FERMT2: variants seen among roughly 807,000 people sequenced by gnomAD.
FERMT2 encodes the protein FERM domain containing kindlin 2, also known as fermitin family homolog 2.
In FERMT2, 15 loss-of-function variants were observed where a neutral mutation model predicts 82.7. That is an observed-to-expected ratio of 0.18 (90% CI 0.12 to 0.28). The LOEUF (loss-of-function observed/expected upper bound fraction) is 0.28, where lower values mean the gene tolerates loss of function less well. FERMT2 is among the 10% of genes least tolerant of loss of function. The probability of loss-of-function intolerance (pLI) is 1.00; values close to 1 mark genes in which losing one functional copy is unlikely to be tolerated. For missense variants in FERMT2, 645 were observed against 809.4 expected (o/e 0.80, Z 2.46); for synonymous variants, 274 against 271.5 (o/e 1.01, Z -0.09).
At chr14:52,936,930 G>A (rs913486872) in intron 2 of FERMT2, among the ~76,000 whole-genome samples, 5 of 151,968 alleles carry the variant, frequency 3.3e-5, no homozygotes, top group East Asian at 1.9e-4. Flanking sequence ...TGAGGTGGGC[G>A]GATCACCTGA....
At chr14:52,938,772 G>A (rs1298831594) in intron 2 of FERMT2, among the ~76,000 whole-genome samples, 2 of 152,034 alleles carry the variant, frequency 1.3e-5, no homozygotes, top group Non-Finnish European at 2.9e-5. Context: ...TCGCCATGTT[G>A]GCTGGGCTGG....
Position 52,860,387 on chromosome 14 carries a change from C to A in FERMT2, c.1681G>T (p.Ala561Ser). 6.2e-7 allele frequency: 1 copy of A among 1,613,718 alleles called. No individual in the cohort carries two copies. ...CCAAATTCAGGTAGTGACTGCCAAG[C>A]TTGAATAAATCTCATCTTGGCTTCA... The part of the protein sequence containing the change: ...LIEAKMRFIQ[A>S]WQSLPEFGIT... The change falls in exon 13 of 15, where the codon GCT (alanine) becomes TCT (serine). Residue 561 changes from alanine (A) to serine (S), a missense_variant. Coordinates refer to ENST00000341590, the MANE Select transcript of FERMT2 (RefSeq NM_006832.3).
chr14:52,857,421 A>AT lies in FERMT2; in HGVS notation c.*955dup, dbSNP rs980676983. The stretch of plus-strand genomic sequence containing the variant: ...AATTTTCTGACTAGCACCAATACAG[A>AT]TTGTAACAGCGCAACAGACTAGAAC... On this transcript the variant is annotated 3_prime_UTR_variant, in exon 15 of 15. Coordinates refer to ENST00000341590, the MANE Select transcript of FERMT2 (RefSeq NM_006832.3). The AT allele has an allele frequency of 1.3e-5, 2 of 152,610 alleles. No individual in the cohort carries two copies. Among genetic ancestry groups the AT allele is most frequent in the African/African-American group, 2.4e-5 (1 of 41,422 alleles). The allele number at this position is 152,610 out of a possible 1,614,324, so 9.5% of individuals were successfully genotyped here.
chr14:52,869,465 G>A (rs961434769), intron 10 of FERMT2, among the ~76,000 whole-genome samples: 4 of 152,012 alleles, frequency 2.6e-5, no homozygotes, highest in Non-Finnish European at 4.4e-5. Flanking sequence ...ACAGCATTTC[G>A]GTAAACAACG....
At chr14:52,902,542 C>A (rs1887714066) in intron 3 of FERMT2, among the ~76,000 whole-genome samples, 1 of 151,570 alleles carries the variant, frequency 6.6e-6, no homozygotes, top group Non-Finnish European at 1.5e-5. Context: ...TTTAAGAATA[C>A]CTATATAACA....
chr14:52,897,123 C>G (rs1236060238), intron 3 of FERMT2, among the ~76,000 whole-genome samples: 2 of 151,866 alleles, frequency 1.3e-5, no homozygotes, highest in African/African-American at 4.8e-5. Flanking sequence ...TGTGTTCTTT[C>G]AGTACCATAA....
At chr14:52,877,672 T>C (rs1243396555) in intron 7 of FERMT2, among the ~76,000 whole-genome samples, 1 of 145,820 alleles carries the variant, frequency 6.9e-6, no homozygotes, top group Non-Finnish European at 1.5e-5. Context: ...TCTGGATGCA[T>C]AAAGGAGGCA....
At chr14:52,939,093 G>A (rs560629022) in intron 2 of FERMT2, among the ~76,000 whole-genome samples, 121 of 149,696 alleles carry the variant, frequency 8.1e-4, no homozygotes, top group African/African-American at 2.9e-3. Flanking sequence ...GGTGGCTCAC[G>A]TCTGTAATCC....
At chr14:52,935,281 C>T (rs1431317818) in intron 2 of FERMT2, among the ~76,000 whole-genome samples, 2 of 152,130 alleles carry the variant, frequency 1.3e-5, no homozygotes, top group African/African-American at 4.8e-5. Context: ...TAAGGTACCC[C>T]ATTCCATTTT....
chr14:52,895,421 A>G (rs1887201833), intron 3 of FERMT2, among the ~76,000 whole-genome samples: 1 of 152,238 alleles, frequency 6.6e-6, no homozygotes, highest in Non-Finnish European at 1.5e-5. Context: ...AACTGAAAAT[A>G]ACCCAGATGG....
intron 2 of FERMT2, chr14:52,927,990 T>TAA: frequency 5.3e-6 from 2 of 378,356 alleles, no homozygotes; most frequent in Admixed American, 3.3e-5. Flanking sequence ...AATTCTTTTT[T>TAA]AAAAAAAGAA....
At chr14:52,933,293 T>C (rs924797574) in intron 2 of FERMT2, among the ~76,000 whole-genome samples, 1 of 152,210 alleles carries the variant, frequency 6.6e-6, no homozygotes, top group Non-Finnish European at 1.5e-5. Context: ...TCCTTTTACA[T>C]TGCCTTAGTT....
At position 52,864,464 on chromosome 14, in the gene FERMT2, C is replaced by A. The variant is rs552889764; in HGVS notation, c.1539G>T (p.Thr513=). Residue 513 remains threonine, a synonymous_variant, in exon 12 of 15, where the codon ACG becomes ACT. Coordinates refer to ENST00000341590, the MANE Select transcript of FERMT2 (RefSeq NM_006832.3). The part of the protein sequence containing the change: ...PDPQLIPEQI[T]TDITPECLVS... The stretch of plus-strand genomic sequence containing the variant: ...CCAAACATTCAGGAGTTATATCAGT[C>A]GTGATCTGCTCTGGTATTAACTGAG... The A allele has an allele frequency of 4.3e-6, 7 of 1,613,984 alleles. No homozygotes were observed. The highest frequency in any genetic ancestry group is 2.2e-5 in the East Asian group (1 of 44,896).
At chr14:52,905,444 T>C (rs2139594116) in intron 3 of FERMT2, among the ~76,000 whole-genome samples, 1 of 152,280 alleles carries the variant, frequency 6.6e-6, no homozygotes, top group Admixed American at 6.5e-5. Context: ...TTCAAAAATC[T>C]TTCTGCTTAC....
Position 52,897,707 on chromosome 14 carries a change from C to T in FERMT2, c.392-4280G>A, listed in dbSNP as rs144106245. On this transcript the variant is annotated intron_variant, in intron 3 of 14. Coordinates refer to ENST00000341590, the MANE Select transcript of FERMT2 (RefSeq NM_006832.3). ...CTTAGAAACACTCGGCCAGGCACGA[C>T]GGCTCACGCCTGTAATCCCAGCACT... 5.9e-3 allele frequency among the ~76,000 whole-genome samples: 898 copies of T among 152,064 alleles called. 8 individuals are homozygous for T. Among genetic ancestry groups the T allele is most frequent in the African/African-American group, 0.02 (846 of 41,506 alleles).
At chr14:52,940,985 T>A (rs947625824) in intron 2 of FERMT2, among the ~76,000 whole-genome samples, 1 of 152,132 alleles carries the variant, frequency 6.6e-6, no homozygotes, top group African/African-American at 2.4e-5. Flanking sequence ...CACACCTAGG[T>A]AGTTACCCCA....
chr14:52,865,065 G>A (rs1419937751), intron 10 of FERMT2, among the ~76,000 whole-genome samples: 4 of 152,186 alleles, frequency 2.6e-5, no homozygotes, highest in Non-Finnish European at 5.9e-5. Flanking sequence ...GCTCACGCCT[G>A]TAATCTCAGC....
At chr14:52,918,436 T>A (rs889714157) in intron 3 of FERMT2, among the ~76,000 whole-genome samples, 1 of 152,226 alleles carries the variant, frequency 6.6e-6, no homozygotes, top group Non-Finnish European at 1.5e-5. Context: ...TAGTATAATT[T>A]AAAAATTTAA....
At chr14:52,912,423 T>C (rs1594983427) in intron 3 of FERMT2, among the ~76,000 whole-genome samples, 1 of 152,142 alleles carries the variant, frequency 6.6e-6, no homozygotes, top group African/African-American at 2.4e-5. Flanking sequence ...TCACAGACCC[T>C]TAACAGCTGT....
Sources: allele counts gnomAD v4.1 joint callset (sites outside exome capture counted in the v4.1 genomes callset), GRCh38; gene constraint gnomAD v4.1.1; transcripts MANE v1.5; gene names NCBI Gene and HGNC (gene_info 2026-07-23, HGNC 2026-07-21).